Variants in SLC22A3 observed in about 807,000 individuals in gnomAD.
SLC22A3 encodes the protein EMT organic cation transporter 3.
In SLC22A3, 51 loss-of-function variants were observed where a neutral mutation model predicts 59.1. That is an observed-to-expected ratio of 0.86 (90% CI 0.69 to 1.09). The LOEUF is 1.09. SLC22A3 is among the 50% of genes least tolerant of loss of function. The pLI, the probability that SLC22A3 is intolerant of heterozygous loss-of-function variation, is 0.00. For synonymous variants in SLC22A3, 325 were observed against 292.0 expected, an observed-to-expected ratio of 1.11 and a Z score of -1.15; for missense variants, 711 against 726.3, an observed-to-expected ratio of 0.98 and a Z score of 0.24.
intron 7 of SLC22A3, among the ~76,000 whole-genome samples, chr6:160,439,064 A>T (rs73024308): frequency 0.024 from 3,610 of 152,204 alleles, 61 homozygotes; most frequent in East Asian, 0.037. Context: ...CATGGAATTA[A>T]CATATTATAA....
At chr6:160,372,151 G>A (rs78656926) in intron 1 of SLC22A3, among the ~76,000 whole-genome samples, 1 of 152,026 alleles carries the variant, frequency 6.6e-6, no homozygotes, top group African/African-American at 2.4e-5. Flanking sequence ...ATGAATCTGG[G>A]TACTCTTGTA....
At chr6:160,371,475 T>C (rs1263447987) in intron 1 of SLC22A3, among the ~76,000 whole-genome samples, 5 of 152,182 alleles carry the variant, frequency 3.3e-5, no homozygotes, top group Non-Finnish European at 5.9e-5. Flanking sequence ...GAATGATGGC[T>C]TCCAGCTTCA....
intron 5 of SLC22A3, among the ~76,000 whole-genome samples, chr6:160,422,816 A>C (rs1369739235): frequency 2.6e-5 from 4 of 152,086 alleles, no homozygotes; most frequent in Non-Finnish European, 4.4e-5. Context: ...TGTAACAGCA[A>C]AACTATGTCA....
chr6:160,398,784 T>C (rs150367679), intron 2 of SLC22A3, among the ~76,000 whole-genome samples: 2 of 152,354 alleles, frequency 1.3e-5, no homozygotes, highest in East Asian at 3.9e-4. Context: ...TATTCCTCTC[T>C]ATCCCCCTTA....
intron 2 of SLC22A3, among the ~76,000 whole-genome samples, chr6:160,404,869 A>G (rs1177849013): frequency 1.3e-5 from 2 of 149,700 alleles, no homozygotes; most frequent in African/African-American, 4.9e-5. Context: ...CCACATGCAA[A>G]AAAAAAAAAA....
chr6:160,398,419 C>T (rs1786614996), intron 2 of SLC22A3, among the ~76,000 whole-genome samples: 1 of 152,188 alleles, frequency 6.6e-6, no homozygotes, highest in Non-Finnish European at 1.5e-5. Context: ...ATTCGATGTG[C>T]TTCAGTAACA....
rs576738132 is a variant in SLC22A3, at chr6:160,378,603, G to C, written c.430-19376G>C. The stretch of plus-strand genomic sequence containing the variant: ...AATGTCTGGTGGACAGTAATATATA[G>C]AGGCTCCTCGACTTAGGATGGGATC... On this transcript the variant is annotated intron_variant, in intron 1 of 10. Coordinates refer to ENST00000275300, the MANE Select transcript of SLC22A3 (RefSeq NM_021977.4). Among the ~76,000 whole-genome samples the C allele has an allele frequency of 1.3e-4, 20 of 152,242 alleles. No individual in the cohort carries two copies. The East Asian group carries it at 3.1e-3, about 23-fold the overall frequency.
chr6:160,442,423 C>T lies in SLC22A3; in HGVS notation c.1289-338C>T, dbSNP rs531472530. Among the ~76,000 whole-genome samples the T allele has an allele frequency of 9.2e-5, 14 of 152,296 alleles. No individual in the cohort carries two copies. In the South Asian group the frequency reaches 2.5e-3, roughly 27 times the overall value. Reference sequence around the variant, plus strand: ...CAAAGGCATGACTGGAAACTACCACCTGGACAAAAAGCCAGTGTGCTTTGG... The same window carrying T: ...CAAAGGCATGACTGGAAACTACCACTTGGACAAAAAGCCAGTGTGCTTTGG... On this transcript the variant is annotated intron_variant, in intron 7 of 10. Transcript: ENST00000275300.
At chr6:160,411,681 G>T (rs1003347289) in intron 5 of SLC22A3, among the ~76,000 whole-genome samples, 1 of 152,152 alleles carries the variant, frequency 6.6e-6, no homozygotes, top group Non-Finnish European at 1.5e-5. Context: ...CTTTGAGACT[G>T]CAGTGAGCCA....
At chr6:160,350,369 T>C (rs1784620247) in intron 1 of SLC22A3, among the ~76,000 whole-genome samples, 1 of 152,236 alleles carries the variant, frequency 6.6e-6, no homozygotes, top group Non-Finnish European at 1.5e-5. Context: ...ATATGTGTGT[T>C]GGGATCTTTA....
chr6:160,446,486 A>G (rs1255288653), intron 9 of SLC22A3, among the ~76,000 whole-genome samples: 2 of 152,208 alleles, frequency 1.3e-5, no homozygotes, highest in Non-Finnish European at 2.9e-5. Flanking sequence ...CACGTCCTAC[A>G]TGGTGGCAGG....
At chr6:160,373,489 G>C (rs1261879560) in intron 1 of SLC22A3, among the ~76,000 whole-genome samples, 1 of 152,154 alleles carries the variant, frequency 6.6e-6, no homozygotes, top group African/African-American at 2.4e-5. Flanking sequence ...GGTGGTTAGG[G>C]AATCACTTGA....
intron 5 of SLC22A3, among the ~76,000 whole-genome samples, chr6:160,431,299 C>T (rs1247837369): frequency 6.6e-6 from 1 of 152,180 alleles, no homozygotes; most frequent in Non-Finnish European, 1.5e-5. Context: ...GCCGCCACGG[C>T]GCAGGAGTTG....
chr6:160,441,256 C>G (rs1225105231), intron 7 of SLC22A3, among the ~76,000 whole-genome samples: 1 of 152,088 alleles, frequency 6.6e-6, no homozygotes, highest in Non-Finnish European at 1.5e-5. Flanking sequence ...GTACCACATG[C>G]TCATTGAAAG....
chr6:160,365,596 A>AT (rs147366718), intron 1 of SLC22A3, among the ~76,000 whole-genome samples: 10 of 152,250 alleles, frequency 6.6e-5, no homozygotes, highest in Non-Finnish European at 1.3e-4. Flanking sequence ...TTAGCTAGTG[A>AT]TTTTTTTCAT....
intron 1 of SLC22A3, among the ~76,000 whole-genome samples, chr6:160,365,726 G>T (rs1785181235): frequency 6.6e-6 from 1 of 152,134 alleles, no homozygotes; most frequent in African/African-American, 2.4e-5. Flanking sequence ...GTATTACCCT[G>T]TTCTCATGCT....
In SLC22A3 at chr6:160,437,154, G is replaced by A; in HGVS notation, c.1231G>A (p.Ala411Thr). The change falls in exon 7 of 11, where the codon GCG becomes ACG. Residue 411 changes from alanine (A) to threonine (T), a missense_variant. Coordinates refer to ENST00000275300, the MANE Select transcript of SLC22A3 (RefSeq NM_021977.4). ...IERLGRRLPF[A>T]ASNIVAGVAC... Reference sequence around the variant, plus strand: ...GCGCCTTGGACGACGCCTCCCCTTTGCGGCAAGCAATATAGTGGCAGGGGT... The same window carrying A: ...GCGCCTTGGACGACGCCTCCCCTTTACGGCAAGCAATATAGTGGCAGGGGT... The A allele has an allele frequency of 6.2e-7, 1 of 1,614,092 alleles. No individual in the cohort carries two copies. The highest frequency in any genetic ancestry group is 8.5e-7 in the Non-Finnish European group (1 of 1,179,974).
intron 5 of SLC22A3, among the ~76,000 whole-genome samples, chr6:160,414,996 G>A (rs1302247973): frequency 6.6e-6 from 1 of 152,122 alleles, no homozygotes; most frequent in Non-Finnish European, 1.5e-5. Flanking sequence ...AGCACGATGA[G>A]ATTTTCCAGT....
chr6:160,348,554 G>A lies in SLC22A3; in HGVS notation c.135G>A (p.Gln45=). 4 of 1,552,738 alleles carry A rather than the reference G, an allele frequency of 2.6e-6. No individual in the cohort carries two copies. Among genetic ancestry groups the A allele is most frequent in the Non-Finnish European group, 2.6e-6 (3 of 1,159,036 alleles). Residue 45 remains glutamine, a synonymous_variant, in exon 1 of 11, where the codon CAG becomes CAA. Coordinates refer to ENST00000275300, the MANE Select transcript of SLC22A3 (RefSeq NM_021977.4). ...LFVGVVFLGT[Q]PDHYWCRGPS... ...TCGGCGTGGTCTTCCTGGGCACGCA[G>A]CCCGACCACTACTGGTGCCGCGGGC...
Sources: gnomAD v4.1 joint callset for allele counts (sites outside exome capture counted in the v4.1 genomes callset) on GRCh38, gnomAD v4.1.1 for gene constraint, MANE v1.5 for transcripts, NCBI Gene and HGNC (gene_info 2026-07-23, HGNC 2026-07-21) for gene names.